The following PPP2R3A variants were observed in gnomAD, a reference collection of about 807,000 sequenced individuals.
PPP2R3A encodes protein phosphatase 2 regulatory subunit B''alpha.
In PPP2R3A, 80 loss-of-function variants were observed where a neutral mutation model predicts 106.9. The ratio of observed to expected loss-of-function variants is 0.75; its 90% CI spans 0.62 to 0.90. The LOEUF (loss-of-function observed/expected upper bound fraction) is 0.90, where lower values mean the gene tolerates loss of function less well. Among genes scored for constraint, PPP2R3A ranks in the 40% least tolerant of loss-of-function variants. The pLI is 0.00. For synonymous variants in PPP2R3A, 483 were observed against 468.3 expected, an observed-to-expected ratio of 1.03 and a Z score of -0.41; for missense variants, 1,386 against 1,350.4, an observed-to-expected ratio of 1.03 and a Z score of -0.41.
intron 3 of PPP2R3A, among the ~76,000 whole-genome samples, chr3:136,034,281 G>C (rs1005594673): frequency 6.6e-6 from 1 of 151,912 alleles, no homozygotes; most frequent in African/African-American, 2.4e-5. Context: ...ATGAACCACC[G>C]ACCTCGGCCT....
chr3:136,020,303 ATTTAT>A (rs1331834391), intron 2 of PPP2R3A, among the ~76,000 whole-genome samples: 2 of 152,078 alleles, frequency 1.3e-5, no homozygotes, highest in African/African-American at 2.4e-5. Context: ...TCAGGCATTA[ATTTAT>A]TCTGATGTCT....
chr3:136,064,549 G>A lies in PPP2R3A; in HGVS notation c.2470-5929G>A, dbSNP rs1047592880. ...TCACCTTTCCAGCTTAAGGAAACTC[G>A]TCAAAGCTAATGAAAATTGTTTCCA... On this transcript the variant is annotated intron_variant, in intron 5 of 13. Coordinates refer to ENST00000264977, the MANE Select transcript of PPP2R3A (RefSeq NM_002718.5). Among the ~76,000 whole-genome samples, 10 of 151,958 alleles carry A rather than the reference G, an allele frequency of 6.6e-5. No individual in the cohort carries two copies. The East Asian group carries it at 7.7e-4, about 12-fold the overall frequency.
At chr3:136,066,123 A>G (rs1936257175) in intron 5 of PPP2R3A, among the ~76,000 whole-genome samples, 2 of 152,252 alleles carry the variant, frequency 1.3e-5, no homozygotes, top group East Asian at 1.9e-4. Context: ...ACTAGCTTTT[A>G]TAGAATAAAT....
At chr3:136,072,258 A>G (rs1001073066) in intron 6 of PPP2R3A, among the ~76,000 whole-genome samples, 16 of 152,192 alleles carry the variant, frequency 1.1e-4, no homozygotes, top group African/African-American at 3.4e-4. Flanking sequence ...TATAATAGAC[A>G]GTCAATATGT....
At chr3:136,119,157 T>C (rs199609320) in intron 13 of PPP2R3A, among the ~76,000 whole-genome samples, 1 of 152,218 alleles carries the variant, frequency 6.6e-6, no homozygotes, top group Non-Finnish European at 1.5e-5. Context: ...TTGGGAAAAC[T>C]GGCTAGCCAT....
Position 136,096,164 on chromosome 3 carries a change from T to C in PPP2R3A, c.2927+5497T>C, listed in dbSNP as rs556748112. 3.3e-5 allele frequency among the ~76,000 whole-genome samples: 5 copies of C among 152,296 alleles called. No individual in the cohort carries two copies. The East Asian group carries it at 9.6e-4, about 29-fold the overall frequency. ...TAAAGTGCAGTTTCTAATGAGTGCA[T>C]GTGGCTTTCACCCCATTGTAAAGTC... On this transcript the variant is annotated intron_variant, in intron 10 of 13. Transcript: ENST00000264977.
rs367942230 is a variant in PPP2R3A, at chr3:136,081,256, G to A, written c.2632-1009G>A. ...TCCACCTGCCTCAGCCTCCCAAAGT[G>A]CTGGGATTACAGGCATGAGCAACCA... is the stretch of plus-strand genomic sequence containing the variant. On this transcript the variant is annotated intron_variant, in intron 7 of 13. Coordinates refer to ENST00000264977, the MANE Select transcript of PPP2R3A (RefSeq NM_002718.5). 5.9e-5 allele frequency among the ~76,000 whole-genome samples: 9 copies of A among 152,290 alleles called. No homozygotes were observed. The East Asian group carries it at 1.7e-3, about 29-fold the overall frequency.
rs75919128 is a variant in PPP2R3A, at chr3:135,996,982, A to G, written c.-440-4077A>G. The stretch of plus-strand genomic sequence containing the variant: ...TTCCCCCTGCCTCACTAGGAAAGGT[A>G]TCCACCTTCCTCTGAGACTAATCCC... On this transcript the variant is annotated intron_variant, in intron 1 of 13. Coordinates refer to ENST00000264977, the MANE Select transcript of PPP2R3A (RefSeq NM_002718.5). 7.3e-3 allele frequency among the ~76,000 whole-genome samples: 1,110 copies of G among 152,282 alleles called. 17 individuals are homozygous for G. The highest frequency in any genetic ancestry group is 0.025 in the African/African-American group (1,054 of 41,552).
At chr3:136,088,540 T>C (rs933883961) in intron 9 of PPP2R3A, among the ~76,000 whole-genome samples, 4 of 152,198 alleles carry the variant, frequency 2.6e-5, no homozygotes, top group Non-Finnish European at 5.9e-5. Context: ...CTATTGTGAA[T>C]AGTGCTGGAT....
chr3:136,096,219 C>T (rs895596314), intron 10 of PPP2R3A, among the ~76,000 whole-genome samples: 3 of 152,118 alleles, frequency 2.0e-5, no homozygotes, highest in African/African-American at 7.2e-5. Context: ...CATCATAAGT[C>T]AGGGACTGTC....
At chr3:136,134,978 C>G (rs1938549921) in intron 13 of PPP2R3A, among the ~76,000 whole-genome samples, 1 of 151,704 alleles carries the variant, frequency 6.6e-6, no homozygotes, top group Non-Finnish European at 1.5e-5. Context: ...GATAGCAGAT[C>G]TAAACAAATA....
chr3:136,145,065 G>T lies in PPP2R3A; in HGVS notation c.3352G>T (p.Glu1118Ter). ...CAGCTTTGAAGATTATGAAACAGAT[G>T]AACCTGCCTCTCCCTCTGAATTTGG... Reference protein sequence around the residue: ...QEGFEDYETDEPASPSEFGNK... With the variant: ...QEGFEDYETD Residue 1118 changes from glutamate to a stop codon, truncating the protein, a stop_gained, in exon 14 of 14, where the codon GAA becomes TAA. Coordinates refer to ENST00000264977, the MANE Select transcript of PPP2R3A (RefSeq NM_002718.5). LOFTEE classifies it high-confidence loss of function. The T allele has an allele frequency of 1.2e-6, 2 of 1,612,984 alleles. No homozygotes were observed. Among genetic ancestry groups the T allele is most frequent in the South Asian group, 2.2e-5 (2 of 90,880 alleles).
At chr3:136,136,600 A>G (rs985433698) in intron 13 of PPP2R3A, among the ~76,000 whole-genome samples, 4 of 152,206 alleles carry the variant, frequency 2.6e-5, no homozygotes, top group African/African-American at 4.8e-5. Context: ...GGGGCCAAGA[A>G]CGTTTTCTTA....
intron 1 of PPP2R3A, among the ~76,000 whole-genome samples, chr3:135,976,250 T>C (rs1290886032): frequency 6.6e-6 from 1 of 152,218 alleles, no homozygotes; most frequent in Non-Finnish European, 1.5e-5. Context: ...AATGTGACTC[T>C]CTGAAGTCTC....
chr3:136,140,698 A>G (rs929677067), intron 13 of PPP2R3A, among the ~76,000 whole-genome samples: 14 of 151,386 alleles, frequency 9.2e-5, no homozygotes, highest in African/African-American at 3.4e-4. Context: ...CAGTGAGCCG[A>G]GATCGCGCCA....
intron 6 of PPP2R3A, among the ~76,000 whole-genome samples, chr3:136,071,562 T>C (rs2107909741): frequency 6.6e-6 from 1 of 152,298 alleles, no homozygotes; most frequent in Non-Finnish European, 1.5e-5. Context: ...ATATCAAACT[T>C]GGTTTATTTT....
chr3:136,111,197 T>A (rs1282199390), intron 13 of PPP2R3A, among the ~76,000 whole-genome samples: 1 of 152,160 alleles, frequency 6.6e-6, no homozygotes, highest in African/African-American at 2.4e-5. Context: ...TAGGACTAAA[T>A]AAGTATTGAT....
rs576975199 is a variant in PPP2R3A at position 135,966,827 on chromosome 3, A to C, written c.-441+978A>C. ...CTCCTCAAATCTTCATTTATGTACA[A>C]AACATCCCCCACACCTTTGGTGCCA... is the stretch of plus-strand genomic sequence containing the variant. On this transcript the variant is annotated intron_variant, in intron 1 of 13. Coordinates refer to ENST00000264977, the MANE Select transcript of PPP2R3A (RefSeq NM_002718.5). 1.1e-4 allele frequency among the ~76,000 whole-genome samples: 16 copies of C among 152,222 alleles called. No homozygotes were observed. The South Asian group carries it at 3.3e-3, about 32-fold the overall frequency.
At position 136,058,309 on chromosome 3, in the gene PPP2R3A, A is replaced by G. The variant is rs139138366; in HGVS notation, c.2469+8948A>G. ...CAAAAGCTTCTTAAGCTGATAAACAACTTCAGCAAAGTCTCAGGATACAAA... is the reference window on the plus strand; with the variant it reads ...CAAAAGCTTCTTAAGCTGATAAACAGCTTCAGCAAAGTCTCAGGATACAAA... On this transcript the variant is annotated intron_variant, in intron 5 of 13. Coordinates refer to ENST00000264977, the MANE Select transcript of PPP2R3A (RefSeq NM_002718.5). Among the ~76,000 whole-genome samples the G allele has an allele frequency of 7.5e-3, 1,144 of 152,276 alleles. 14 individuals are homozygous for G. The highest frequency in any genetic ancestry group is 0.014 in the Non-Finnish European group (925 of 68,008).
Sources: gnomAD v4.1 joint callset for allele counts (sites outside exome capture counted in the v4.1 genomes callset) on GRCh38, gnomAD v4.1.1 for gene constraint, MANE v1.5 for transcripts, NCBI Gene and HGNC (gene_info 2026-07-23, HGNC 2026-07-21) for gene names.